The following DPCD variants were observed in gnomAD, a reference collection of about 807,000 sequenced individuals.
DPCD encodes the protein deleted in primary ciliary dyskinesia homolog (mouse).
Under a neutral mutation model 26.4 loss-of-function variants are expected in DPCD, and 20 were observed. That is an observed-to-expected ratio of 0.76 (90% CI 0.53 to 1.10). The LOEUF (loss-of-function observed/expected upper bound fraction) is 1.10. Among genes scored for constraint, DPCD ranks in the 50% least tolerant of loss-of-function variants. The pLI, the probability that DPCD is intolerant of heterozygous loss-of-function variation, is 0.00. For missense variants in DPCD, 202 were observed against 253.9 expected, an observed-to-expected ratio of 0.80 and a Z score of 1.39; for synonymous variants, 97 against 94.2, an observed-to-expected ratio of 1.03 and a Z score of -0.17.
At chr10:101,606,710 G>A (rs976009649) in intron 4 of DPCD, among the ~76,000 whole-genome samples, 4 of 152,190 alleles carry the variant, frequency 2.6e-5, no homozygotes, top group Admixed American at 1.3e-4. Flanking sequence ...AGCTGCCTGA[G>A]GCTGAACGTT....
chr10:101,590,484 T>A (rs2063598374), intron 1 of DPCD, among the ~76,000 whole-genome samples: 1 of 152,186 alleles, frequency 6.6e-6, no homozygotes, highest in Admixed American at 6.5e-5. Context: ...ATTTTAATCA[T>A]TTTTAAGTGT....
Position 101,591,441 on chromosome 10 carries a change from A to G in DPCD, c.64+3041A>G, listed in dbSNP as rs546789737. ...CCACCCTATCCCCAGACTGAAAAAC[A>G]ACTCAGTATTGCATATGTGGTTAAG... On this transcript the variant is annotated intron_variant, in intron 1 of 5. Transcript: ENST00000370151. Among the ~76,000 whole-genome samples, 238 of 152,332 alleles carry G rather than the reference A, an allele frequency of 1.6e-3. 2 individuals carry two copies. Among genetic ancestry groups the G allele is most frequent in the African/African-American group, 5.5e-3 (229 of 41,572 alleles).
intron 4 of DPCD, among the ~76,000 whole-genome samples, chr10:101,605,834 A>G (rs566222369): frequency 2.0e-3 from 305 of 152,254 alleles, no homozygotes; most frequent in African/African-American, 7.0e-3. Context: ...AGATTTGGGG[A>G]ATTCTCACTT....
At chr10:101,605,135 T>C (rs1483585088) in intron 4 of DPCD, 2 of 1,550,582 alleles carry the variant, frequency 1.3e-6, no homozygotes, top group South Asian at 2.4e-5. Context: ...GCTGCTTTTC[T>C]AAAGGCGGAC....
At chr10:101,604,550 G>C (rs1372165214) in intron 4 of DPCD, among the ~76,000 whole-genome samples, 1 of 152,216 alleles carries the variant, frequency 6.6e-6, no homozygotes, top group Non-Finnish European at 1.5e-5. Context: ...AGTGAGGGAT[G>C]AATCAGGGAA....
intron 2 of DPCD, among the ~76,000 whole-genome samples, chr10:101,597,245 T>A (rs2063659952): frequency 6.6e-6 from 1 of 152,224 alleles, no homozygotes; most frequent in Non-Finnish European, 1.5e-5. Flanking sequence ...ATTTGGAGGA[T>A]ATTGAGCACT....
intron 2 of DPCD, 55 bp downstream of exon 2, chr10:101,594,793 C>A: frequency 6.6e-7 from 1 of 1,513,380 alleles, no homozygotes; most frequent in Non-Finnish European, 9.2e-7. Context: ...CTGACATAAG[C>A]ACAATGAACA....
chr10:101,599,031 A>G (rs12779232), intron 2 of DPCD, among the ~76,000 whole-genome samples: 11 of 152,160 alleles, frequency 7.2e-5, no homozygotes, highest in Non-Finnish European at 1.6e-4. Flanking sequence ...CTTACACTAA[A>G]TGGTCCCAAG....
intron 1 of DPCD, among the ~76,000 whole-genome samples, chr10:101,589,379 A>T (rs2063557637): frequency 6.6e-6 from 1 of 152,244 alleles, no homozygotes; most frequent in Non-Finnish European, 1.5e-5. Context: ...AATGGTAGGA[A>T]AGAGTGAAGG....
At chr10:101,608,063 G>A (rs557525818) in intron 4 of DPCD, among the ~76,000 whole-genome samples, 2 of 152,142 alleles carry the variant, frequency 1.3e-5, no homozygotes, top group African/African-American at 4.8e-5. Flanking sequence ...GCAAAGTCTA[G>A]TTATACACAT....
At position 101,609,557 on chromosome 10, in the gene DPCD, C is replaced by A; in HGVS notation, c.*86C>A. ...CTTCTTGACCACGGCAGCCTCCTGT[C>A]TTCTAGGAGCTATCAAGGGTCTCTA... is the stretch of plus-strand genomic sequence containing the variant. On this transcript the variant is annotated 3_prime_UTR_variant, in exon 6 of 6. Transcript: ENST00000370151. 1.7e-6 allele frequency: 2 copies of A among 1,159,864 alleles called. No homozygotes were observed. Among genetic ancestry groups the A allele is most frequent in the Non-Finnish European group, 2.5e-6 (2 of 798,994 alleles). The allele number at this position is 1,159,864 out of a possible 1,614,324, so 71.8% of individuals were successfully genotyped here. A position where few individuals can be genotyped will look rare whatever the true frequency, so the allele number is the denominator to read the frequency against.
chr10:101,609,082 T>A (rs995801125), intron 5 of DPCD, 145 bp downstream of exon 5: 3 of 742,348 alleles, frequency 4.0e-6, no homozygotes, highest in South Asian at 1.7e-5. Flanking sequence ...TAATTCAGCA[T>A]GGGGGAGAGC....
intron 2 of DPCD, among the ~76,000 whole-genome samples, chr10:101,597,003 A>G (rs960008883): frequency 6.6e-6 from 1 of 151,654 alleles, no homozygotes; most frequent in South Asian, 2.1e-4. Context: ...TTTTTTTCCT[A>G]CCCTCTCAGT....
chr10:101,590,601 TA>T (rs1234507850), intron 1 of DPCD, among the ~76,000 whole-genome samples: 2 of 150,942 alleles, frequency 1.3e-5, no homozygotes. Flanking sequence ...TTTTTTTTTT[TA>T]GAGACAGGGT....
At chr10:101,605,223 C>T (rs1437662708) in intron 4 of DPCD, 13 of 1,549,928 alleles carry the variant, frequency 8.4e-6, no homozygotes, top group Middle Eastern at 1.7e-4. Flanking sequence ...GTATGTGAGG[C>T]ATGACCCAAG....
At chr10:101,608,141 C>T (rs909183064) in intron 4 of DPCD, among the ~76,000 whole-genome samples, 5 of 151,932 alleles carry the variant, frequency 3.3e-5, no homozygotes, top group Admixed American at 2.6e-4. Context: ...ATCGCTGAAC[C>T]GGCACCTGCA....
chr10:101,598,335 A>ATAAATTGAGCTACT (rs1385047798), intron 2 of DPCD, among the ~76,000 whole-genome samples: 2 of 152,200 alleles, frequency 1.3e-5, no homozygotes, highest in African/African-American at 4.8e-5. Flanking sequence ...AATATAAAAA[A>ATAAATTGAGCTACT]TAAATTGAGC....
chr10:101,600,633 G>A lies in DPCD; in HGVS notation c.146-105G>A. On this transcript the variant is annotated intron_variant, in intron 2 of 5. Transcript: ENST00000370151. The surrounding 1 kb of genome is among the most constrained non-coding windows in gnomAD (Gnocchi z 4.7). ...ACACTCCCACTTTCATCTTGTGCTAGTTACCTAGTGTGGTGCCGGTGATTC... is the reference window on the plus strand; with the variant it reads ...ACACTCCCACTTTCATCTTGTGCTAATTACCTAGTGTGGTGCCGGTGATTC... 3.4e-6 allele frequency: 5 copies of A among 1,482,726 alleles called. No individual in the cohort carries two copies. Among genetic ancestry groups the A allele is most frequent in the Non-Finnish European group, 4.5e-6 (5 of 1,108,162 alleles). The allele number at this position is 1,482,726 out of a possible 1,614,324, so 91.8% of individuals were successfully genotyped here.
At chr10:101,606,059 G>A (rs1180031945) in intron 4 of DPCD, among the ~76,000 whole-genome samples, 2 of 152,230 alleles carry the variant, frequency 1.3e-5, no homozygotes, top group Non-Finnish European at 2.9e-5. Flanking sequence ...AAGGGAGGTG[G>A]GAATGGGGGA....
Sources: allele counts gnomAD v4.1 joint callset (sites outside exome capture counted in the v4.1 genomes callset), GRCh38; gene constraint gnomAD v4.1.1; non-coding constraint Gnocchi (gnomAD v3.1); transcripts MANE v1.5; gene names NCBI Gene and HGNC (gene_info 2026-07-23, HGNC 2026-07-21).